The following CFAP54 variants were observed in gnomAD, a reference collection of about 807,000 sequenced individuals.
CFAP54 encodes cilia- and flagella-associated protein 54.
CFAP54 carries 290 observed loss-of-function variants against 370.4 expected under a neutral mutation model. The observed-to-expected ratio is 0.78, with a 90% confidence interval of 0.71 to 0.86. CFAP54 has a LOEUF of 0.86. Ranked by LOEUF, CFAP54 falls within the 40% of genes least tolerant of loss-of-function variation. The pLI, the probability that CFAP54 is intolerant of heterozygous loss-of-function variation, is 0.00. For synonymous variants in CFAP54, 1,206 were observed against 1,236.5 expected (o/e 0.98, Z 0.52); for missense variants, 3,399 against 3,528.7 (o/e 0.96, Z 0.93).
At chr12:96,594,733 A>G (rs1956159493) in intron 25 of CFAP54, among the ~76,000 whole-genome samples, 1 of 152,122 alleles carries the variant, frequency 6.6e-6, no homozygotes, top group South Asian at 2.1e-4. Context: ...TTTAATTTTT[A>G]TGTTCTTGTA....
At chr12:96,615,777 G>A (rs1039252375) in intron 26 of CFAP54, among the ~76,000 whole-genome samples, 33 of 151,534 alleles carry the variant, frequency 2.2e-4, no homozygotes, top group African/African-American at 4.2e-4. Context: ...CATCATCACT[G>A]GCCATCAGAG....
intron 23 of CFAP54, among the ~76,000 whole-genome samples, chr12:96,589,966 C>G (rs573853461): frequency 1.3e-5 from 2 of 152,076 alleles, no homozygotes; most frequent in South Asian, 2.1e-4. Context: ...AGACTGGTCT[C>G]GAACTCCTGG....
intron 22 of CFAP54, among the ~76,000 whole-genome samples, chr12:96,588,118 G>C (rs1956090181): frequency 6.6e-6 from 1 of 152,026 alleles, no homozygotes; most frequent in Admixed American, 6.6e-5. Context: ...ACTTGAACTT[G>C]TCCAATCTTA....
At chr12:96,555,918 A>G (rs1953979204) in intron 17 of CFAP54, among the ~76,000 whole-genome samples, 2 of 151,982 alleles carry the variant, frequency 1.3e-5, no homozygotes, top group African/African-American at 4.8e-5. Flanking sequence ...AAATGTAGGT[A>G]GAAGACATAA....
intron 5 of CFAP54, among the ~76,000 whole-genome samples, 156 bp downstream of exon 5, chr12:96,513,200 C>A (rs1173176991): frequency 6.6e-6 from 1 of 151,524 alleles, no homozygotes; most frequent in Non-Finnish European, 1.5e-5. Flanking sequence ...CTTTATTATT[C>A]TTAGTTTTGC....
chr12:96,852,459 T>C (rs1240370306), intron 66 of CFAP54, among the ~76,000 whole-genome samples: 3 of 152,116 alleles, frequency 2.0e-5, no homozygotes, highest in Non-Finnish European at 2.9e-5. Context: ...GTTGGGTCAA[T>C]TGGATATCTA....
chr12:96,786,727 A>G lies in CFAP54; in HGVS notation c.8508A>G (p.Thr2836=). 1 of 1,535,930 alleles carries G rather than the reference A, an allele frequency of 6.5e-7. No individual in the cohort carries two copies. ...CTTTGCCAGATGATACACTTCTCAC[A>G]TCCCTTTACAACTCTGAGTTGATTT... is the stretch of plus-strand genomic sequence containing the variant. ...GISLPDDTLL[T]SLYNSELILR... Residue 2836 remains threonine (T), a synonymous_variant, in exon 62 of 68, where the codon ACA becomes ACG. Coordinates refer to ENST00000524981, the MANE Select transcript of CFAP54 (RefSeq NM_001306084.2).
chr12:96,642,475 G>A (rs1956742043), intron 32 of CFAP54, among the ~76,000 whole-genome samples: 1 of 152,068 alleles, frequency 6.6e-6, no homozygotes. Context: ...TCTAAATATA[G>A]CTATATAAAT....
In CFAP54 at chr12:96,685,198, G is replaced by C. The variant is rs776911897; in HGVS notation, c.5974G>C (p.Gly1992Arg). 1.2e-5 allele frequency: 19 copies of C among 1,614,086 alleles called. No individual in the cohort carries two copies. The highest frequency in any genetic ancestry group is 1.6e-5 in the Non-Finnish European group (19 of 1,180,012). ...GTTTCTGTCAAGAGTTGGCATCTGG[G>C]GGTGTTTGCAAGGAGCAGTCATATC... ...EEFLSRVGIW[G>R]CLQGAVISAK... is the part of the protein sequence containing the mutation. The change falls in exon 42 of 68, where the codon GGG (glycine) becomes CGG (arginine). Residue 1992 changes from glycine to arginine, a missense_variant. This residue lies in a region of CFAP54 where 2,796 missense variants were observed against 2,869.7 expected (regional missense o/e 0.97). Coordinates refer to ENST00000524981, the MANE Select transcript of CFAP54 (RefSeq NM_001306084.2).
At position 96,625,699 on chromosome 12, in the gene CFAP54, T is replaced by C. The variant is rs1263933231; in HGVS notation, c.3887-19T>C. ...CGTTACTAAACAGAACATACAACTTTTGAATTTTTTAACCTTAGATGTTAC... is the reference window on the plus strand; with the variant it reads ...CGTTACTAAACAGAACATACAACTTCTGAATTTTTTAACCTTAGATGTTAC... On this transcript the variant is annotated intron_variant, in intron 28 of 67. Transcript: ENST00000524981. The C allele has an allele frequency of 6.7e-7, 1 of 1,499,816 alleles. No individual in the cohort carries two copies. The highest frequency in any genetic ancestry group is 8.9e-7 in the Non-Finnish European group (1 of 1,119,646). 92.9% of individuals were successfully genotyped at this position (1,499,816 alleles called of 1,614,324 possible). A position where few individuals can be genotyped will look rare whatever the true frequency, so the allele number is the denominator to read the frequency against.
At position 96,522,036 on chromosome 12, in the gene CFAP54, T is replaced by A. The variant is rs1592829801; in HGVS notation, c.1057-52T>A. 5.9e-6 allele frequency: 9 copies of A among 1,523,978 alleles called. No individual in the cohort carries two copies. The East Asian group carries it at 2.2e-4, about 37-fold the overall frequency. 94.4% of individuals were successfully genotyped at this position (1,523,978 alleles called of 1,614,324 possible). A position where few individuals can be genotyped will look rare whatever the true frequency, so the allele number is the denominator to read the frequency against. On this transcript the variant is annotated intron_variant, in intron 7 of 67. Transcript: ENST00000524981. ...TACAGCTGATTAAATACTTAGTAGT[T>A]GGGAAGTGCATCTCATTGTTATTTC...
chr12:96,506,752 A>G (rs1324450179), intron 3 of CFAP54, among the ~76,000 whole-genome samples, 176 bp from the exon 4 acceptor site: 3 of 151,872 alleles, frequency 2.0e-5, no homozygotes, highest in Non-Finnish European at 4.4e-5. Context: ...ACGCCCAGCT[A>G]ATTTTTGTAT....
chr12:96,625,010 A>G (rs148615576), intron 28 of CFAP54, among the ~76,000 whole-genome samples: 1,557 of 152,316 alleles, frequency 0.01, 31 homozygotes, highest in African/African-American at 0.035. Flanking sequence ...AAGAAGCACA[A>G]TGAGCTATAA....
chr12:96,664,482 A>G (rs1051828403), intron 39 of CFAP54, among the ~76,000 whole-genome samples: 3 of 151,876 alleles, frequency 2.0e-5, no homozygotes, highest in Admixed American at 6.6e-5. Context: ...TTATGACTGC[A>G]TAGTATTCCA....
At chr12:96,615,912 G>A (rs1003845076) in intron 26 of CFAP54, among the ~76,000 whole-genome samples, 1 of 152,214 alleles carries the variant, frequency 6.6e-6, no homozygotes, top group African/African-American at 2.4e-5. Context: ...TACACAGTTG[G>A]TGGGACTGTA....
intron 50 of CFAP54, among the ~76,000 whole-genome samples, chr12:96,726,850 T>C (rs375976162): frequency 6.6e-6 from 1 of 151,732 alleles, no homozygotes; most frequent in Non-Finnish European, 1.5e-5. Flanking sequence ...GCTTTGAATG[T>C]GTCCCAGAGA....
At chr12:96,497,153 G>T (rs555264374) in intron 1 of CFAP54, among the ~76,000 whole-genome samples, 5 of 152,296 alleles carry the variant, frequency 3.3e-5, no homozygotes, top group African/African-American at 9.6e-5. Flanking sequence ...GACCTCAGGG[G>T]AGTTTACTTT....
chr12:96,536,890 T>C (rs1955512399), intron 12 of CFAP54, among the ~76,000 whole-genome samples: 2 of 152,140 alleles, frequency 1.3e-5, no homozygotes, highest in African/African-American at 4.8e-5. Flanking sequence ...CCTCCCAACG[T>C]GCTGGGATTA....
At chr12:96,504,961 T>G (rs565389855) in intron 3 of CFAP54, among the ~76,000 whole-genome samples, 6 of 151,714 alleles carry the variant, frequency 4.0e-5, no homozygotes, top group African/African-American at 1.4e-4. Flanking sequence ...TTTTCTTTCT[T>G]TCTTTCTTTC....
Sources: gnomAD v4.1 joint callset for allele counts (sites outside exome capture counted in the v4.1 genomes callset) on GRCh38, gnomAD v4.1.1 for gene constraint, gnomAD v4.1.1 regional missense constraint, MANE v1.5 for transcripts, NCBI Gene and HGNC (gene_info 2026-07-23, HGNC 2026-07-21) for gene names.